Variants in DNMBP observed in about 807,000 individuals in gnomAD.
DNMBP encodes dynamin binding protein.
Under a neutral mutation model 150.0 loss-of-function variants are expected in DNMBP, and 87 were observed. That is an observed-to-expected ratio of 0.58 (90% confidence interval 0.49 to 0.69). DNMBP has a LOEUF of 0.69. Among genes scored for constraint, DNMBP ranks in the 30% least tolerant of loss-of-function variants. The pLI is 0.00. For missense variants in DNMBP, 1,774 were observed against 1,949.0 expected (o/e 0.91, Z 1.69); for synonymous variants, 711 against 750.4 (o/e 0.95, Z 0.86).
At chr10:99,960,633 C>G (rs1342958383) in intron 3 of DNMBP, among the ~76,000 whole-genome samples, 1 of 152,088 alleles carries the variant, frequency 6.6e-6, no homozygotes, top group African/African-American at 2.4e-5. Context: ...ATGGTGAAAC[C>G]CTGTGTCTAC....
chr10:99,902,079 G>A (rs886408755), intron 6 of DNMBP, among the ~76,000 whole-genome samples: 2 of 151,700 alleles, frequency 1.3e-5, no homozygotes, highest in African/African-American at 4.8e-5. Flanking sequence ...TTTGGTAGAC[G>A]GGGTTTCGGC....
At chr10:99,902,599 C>T (rs570576483) in intron 6 of DNMBP, among the ~76,000 whole-genome samples, 5 of 147,882 alleles carry the variant, frequency 3.4e-5, no homozygotes, top group South Asian at 2.2e-4. Flanking sequence ...TGTGAAACAC[C>T]GCACCCGGCT....
intron 4 of DNMBP, among the ~76,000 whole-genome samples, chr10:99,914,458 TC>T (rs1374847314): frequency 2.6e-5 from 4 of 152,226 alleles, no homozygotes; most frequent in Non-Finnish European, 5.9e-5. Flanking sequence ...TTTAGTCTGC[TC>T]CTGAGCCTCT....
intron 15 of DNMBP, among the ~76,000 whole-genome samples, chr10:99,883,191 A>T (rs953054143): frequency 1.6e-5 from 2 of 128,848 alleles, no homozygotes; most frequent in African/African-American, 6.0e-5. Flanking sequence ...AAAAGGGATT[A>T]CAGATCAGTA....
intron 1 of DNMBP, among the ~76,000 whole-genome samples, chr10:100,003,591 C>T (rs2041038790): frequency 6.6e-6 from 1 of 152,116 alleles, no homozygotes; most frequent in Non-Finnish European, 1.5e-5. Context: ...CAGTGGCTCA[C>T]ACTTGTAATC....
At chr10:99,902,841 T>C (rs1290020024) in intron 6 of DNMBP, among the ~76,000 whole-genome samples, 3 of 150,796 alleles carry the variant, frequency 2.0e-5, no homozygotes, top group Non-Finnish European at 4.4e-5. Flanking sequence ...GGCAGGAGAA[T>C]CGTTTGAACC....
intron 4 of DNMBP, among the ~76,000 whole-genome samples, 178 bp from the exon 5 acceptor site, chr10:99,909,324 A>G (rs2039872320): frequency 6.6e-6 from 1 of 152,250 alleles, no homozygotes; most frequent in African/African-American, 2.4e-5. Context: ...TTAGAAAGCC[A>G]TCACTGCAGA....
chr10:99,972,906 C>T (rs766364644), intron 1 of DNMBP, among the ~76,000 whole-genome samples: 67 of 152,316 alleles, frequency 4.4e-4, no homozygotes, highest in Admixed American at 3.3e-4. Context: ...CTCAGCCTCC[C>T]AAGTAGGTAG....
At chr10:99,965,266 A>C (rs958108531) in intron 3 of DNMBP, among the ~76,000 whole-genome samples, 1 of 152,182 alleles carries the variant, frequency 6.6e-6, no homozygotes, top group Non-Finnish European at 1.5e-5. Context: ...TTAAGTAACT[A>C]GTCCAAGGTC....
Position 99,926,111 on chromosome 10 carries a change from C to T in DNMBP, c.2261-16965G>A, listed in dbSNP as rs12251914. Reference sequence around the variant, plus strand: ...TATTATTTACATGCAAAACAGGTAACGTGGAATTTGAAACACCAGGTCCCC... The same window carrying T: ...TATTATTTACATGCAAAACAGGTAATGTGGAATTTGAAACACCAGGTCCCC... On this transcript the variant is annotated intron_variant, in intron 4 of 16. Transcript: ENST00000324109. 3.7e-3 allele frequency among the ~76,000 whole-genome samples: 559 copies of T among 152,240 alleles called. 5 individuals carry two copies. Among genetic ancestry groups the T allele is most frequent in the African/African-American group, 0.012 (517 of 41,536 alleles).
chr10:99,879,033 T>G (rs1449644993), intron 16 of DNMBP, among the ~76,000 whole-genome samples: 1 of 130,178 alleles, frequency 7.7e-6, no homozygotes, highest in African/African-American at 2.9e-5. Context: ...TGCAGTGAGC[T>G]GAGATTGCGC....
intron 3 of DNMBP, among the ~76,000 whole-genome samples, chr10:99,960,097 A>C (rs2040547359): frequency 1.3e-5 from 2 of 152,166 alleles, no homozygotes; most frequent in Non-Finnish European, 2.9e-5. Flanking sequence ...CATCTGTCTT[A>C]TTGTAGAAGA....
intron 11 of DNMBP, among the ~76,000 whole-genome samples, chr10:99,891,231 G>A (rs976884562): frequency 3.1e-5 from 4 of 129,824 alleles, no homozygotes; most frequent in East Asian, 2.2e-4. Context: ...CCTCTCATGC[G>A]GAGCCAAAGC....
intron 1 of DNMBP, among the ~76,000 whole-genome samples, chr10:100,001,467 A>C (rs1191313670): frequency 7.4e-6 from 1 of 135,616 alleles, no homozygotes; most frequent in East Asian, 2.4e-4. Flanking sequence ...GCTGGAGTGC[A>C]GTGGTGCAAG....
intron 1 of DNMBP, among the ~76,000 whole-genome samples, chr10:99,975,604 G>A (rs967116104): frequency 1.3e-5 from 2 of 152,006 alleles, no homozygotes; most frequent in African/African-American, 4.8e-5. Flanking sequence ...TGGTAAGTGG[G>A]TATTTCCCAC....
intron 1 of DNMBP, among the ~76,000 whole-genome samples, chr10:99,979,139 C>T (rs767677240): frequency 3.3e-5 from 5 of 152,172 alleles, no homozygotes; most frequent in African/African-American, 1.2e-4. Context: ...CCTATGCAAA[C>T]TAAAAATCTG....
At chr10:99,891,778 G>A (rs1474223567) in intron 11 of DNMBP, among the ~76,000 whole-genome samples, 1 of 150,926 alleles carries the variant, frequency 6.6e-6, no homozygotes, top group Non-Finnish European at 1.5e-5. Flanking sequence ...GAGCGTCTCT[G>A]CCCGGCCGCC....
chr10:99,973,790 G>A (rs914008349), intron 1 of DNMBP, among the ~76,000 whole-genome samples: 1 of 152,216 alleles, frequency 6.6e-6, no homozygotes, highest in Non-Finnish European at 1.5e-5. Context: ...AGGCCAGCCT[G>A]GGCAACATGG....
intron 4 of DNMBP, among the ~76,000 whole-genome samples, chr10:99,940,817 C>T (rs985465221): frequency 6.6e-6 from 1 of 152,174 alleles, no homozygotes; most frequent in Non-Finnish European, 1.5e-5. Flanking sequence ...TTGACAAGGT[C>T]ACCAAATCCC....
Sources: allele counts gnomAD v4.1 joint callset (sites outside exome capture counted in the v4.1 genomes callset), GRCh38; gene constraint gnomAD v4.1.1; transcripts MANE v1.5; gene names NCBI Gene and HGNC (gene_info 2026-07-23, HGNC 2026-07-21).